PRUNE2: variants seen among roughly 807,000 people sequenced by gnomAD.
PRUNE2 encodes the protein protein prune homolog 2.
PRUNE2 carries 164 observed loss-of-function variants against 252.0 expected under a neutral mutation model. The observed-to-expected ratio is 0.65, with a 90% CI of 0.57 to 0.74. PRUNE2 has a LOEUF of 0.74. PRUNE2 is among the 30% of genes least tolerant of loss of function. The pLI is 0.00. For missense variants in PRUNE2, 3,495 were observed against 3,711.0 expected, an observed-to-expected ratio of 0.94 and a Z score of 1.51; for synonymous variants, 1,292 against 1,350.2, an observed-to-expected ratio of 0.96 and a Z score of 0.94.
chr9:76,828,252 C>T (rs989551215), intron 4 of PRUNE2, among the ~76,000 whole-genome samples: 10 of 152,190 alleles, frequency 6.6e-5, no homozygotes, highest in African/African-American at 2.4e-4. Flanking sequence ...CAGAAAGAGC[C>T]TGTGCAAAGG....
chr9:76,675,768 A>G (rs1395599980), intron 9 of PRUNE2, among the ~76,000 whole-genome samples: 1 of 127,318 alleles, frequency 7.9e-6, no homozygotes, highest in Non-Finnish European at 1.7e-5. Context: ...CTTTGCAGGG[A>G]CATGGATGAA....
At chr9:76,679,081 C>T (rs2043137854) in intron 9 of PRUNE2, among the ~76,000 whole-genome samples, 2 of 152,116 alleles carry the variant, frequency 1.3e-5, no homozygotes, top group South Asian at 2.1e-4. Context: ...CAACCTTATA[C>T]GAGTTACAGA....
intron 6 of PRUNE2, among the ~76,000 whole-genome samples, chr9:76,780,964 T>G (rs1005853730): frequency 6.6e-6 from 1 of 152,196 alleles, no homozygotes; most frequent in African/African-American, 2.4e-5. Context: ...CAAGTTTTTA[T>G]GCTACGTACC....
chr9:76,679,140 CTACT>C (rs1312623587), intron 9 of PRUNE2, among the ~76,000 whole-genome samples: 3 of 152,128 alleles, frequency 2.0e-5, no homozygotes, highest in African/African-American at 7.2e-5. Context: ...AAAAGTAACA[CTACT>C]TACTTAGAAA....
chr9:76,863,571 G>C (rs1037768555), intron 1 of PRUNE2, among the ~76,000 whole-genome samples: 3 of 152,154 alleles, frequency 2.0e-5, no homozygotes, highest in Non-Finnish European at 4.4e-5. Context: ...GGAACAACTT[G>C]TTCAATAAAG....
At chr9:76,821,297 G>C (rs2058026363) in intron 6 of PRUNE2, among the ~76,000 whole-genome samples, 1 of 152,136 alleles carries the variant, frequency 6.6e-6, no homozygotes, top group Non-Finnish European at 1.5e-5. Context: ...TTATATAACT[G>C]TTCCAAAATC....
At chr9:76,804,787 G>A (rs1042791973) in intron 6 of PRUNE2, among the ~76,000 whole-genome samples, 5 of 152,128 alleles carry the variant, frequency 3.3e-5, no homozygotes, top group Admixed American at 1.3e-4. Context: ...TGACCAAAAG[G>A]CCCTCTAGAG....
intron 17 of PRUNE2, among the ~76,000 whole-genome samples, 168 bp downstream of exon 17, chr9:76,624,284 T>C (rs1833724705): frequency 6.6e-6 from 1 of 152,084 alleles, no homozygotes; most frequent in Non-Finnish European, 1.5e-5. Flanking sequence ...GAAAAATAGA[T>C]TGTAGTAAGA....
intron 7 of PRUNE2, 47 bp from the exon 8 acceptor site, chr9:76,711,405 A>G (rs2046721787): frequency 5.4e-6 from 7 of 1,292,262 alleles, no homozygotes; most frequent in Non-Finnish European, 7.5e-6. Flanking sequence ...GCACTGTTGC[A>G]CTTTGCAATT....
At chr9:76,876,896 G>A (rs2061504413) in intron 1 of PRUNE2, among the ~76,000 whole-genome samples, 1 of 152,072 alleles carries the variant, frequency 6.6e-6, no homozygotes. Context: ...ATATAATACA[G>A]GTTGACACAT....
intron 1 of PRUNE2, among the ~76,000 whole-genome samples, chr9:76,865,839 A>G (rs2060807363): frequency 6.7e-6 from 1 of 150,060 alleles, no homozygotes; most frequent in African/African-American, 2.5e-5. Context: ...ACACACACAC[A>G]CACACACACC....
intron 6 of PRUNE2, among the ~76,000 whole-genome samples, chr9:76,775,901 C>G (rs1472437652): frequency 2.1e-5 from 3 of 145,062 alleles, no homozygotes; most frequent in African/African-American, 8.3e-5. Context: ...TTCCATTACT[C>G]CCCTCCTCCT....
intron 6 of PRUNE2, among the ~76,000 whole-genome samples, chr9:76,767,230 T>C (rs1420438040): frequency 6.6e-6 from 1 of 152,144 alleles, no homozygotes; most frequent in Non-Finnish European, 1.5e-5. Context: ...GGTGGGCAGA[T>C]CACTTGAGGT....
chr9:76,863,512 C>G (rs2060666161), intron 1 of PRUNE2, among the ~76,000 whole-genome samples: 2 of 152,208 alleles, frequency 1.3e-5, no homozygotes, highest in Admixed American at 6.5e-5. Context: ...ATATTCAACT[C>G]TGGTAACATC....
chr9:76,753,049 A>T (rs771968266), intron 6 of PRUNE2, among the ~76,000 whole-genome samples: 6 of 152,174 alleles, frequency 3.9e-5, no homozygotes, highest in Non-Finnish European at 8.8e-5. Flanking sequence ...TTTTGTTTGG[A>T]GACAGGGTCT....
intron 4 of PRUNE2, among the ~76,000 whole-genome samples, chr9:76,840,986 A>T (rs912304102): frequency 4.6e-5 from 7 of 152,134 alleles, no homozygotes; most frequent in African/African-American, 1.7e-4. Flanking sequence ...CCTCTCAAAA[A>T]AAAAAAAAAG....
chr9:76,818,944 T>C (rs2057862833), intron 6 of PRUNE2, among the ~76,000 whole-genome samples: 1 of 152,178 alleles, frequency 6.6e-6, no homozygotes, highest in South Asian at 2.1e-4. Flanking sequence ...AATAGGGTTG[T>C]TGTAGACATA....
chr9:76,715,378 G>GC (rs1455162721), intron 6 of PRUNE2, among the ~76,000 whole-genome samples: 7 of 152,184 alleles, frequency 4.6e-5, no homozygotes, highest in African/African-American at 1.7e-4. Flanking sequence ...AGGCAGGCAG[G>GC]CCCCGCCCAT....
At position 76,705,429 on chromosome 9, in the gene PRUNE2, G is replaced by A. The variant is rs1171267812; in HGVS notation, c.6845C>T (p.Pro2282Leu). Residue 2282 changes from proline to leucine, a missense_variant, in exon 8 of 19, where the codon CCT becomes CTT. By Grantham distance (98) the Pro-to-Leu change is moderately conservative (BLOSUM62 -3). Transcript: ENST00000376718. ...AGTGTCTGAGGCTAGCAAAGCATCA[G>A]GAACCAAGGCAGGATTCTCTGTGGA... ...HLSTENPALVPDALLASDTCL... is the reference protein window; with the variant it reads ...HLSTENPALVLDALLASDTCL... The A allele has an allele frequency of 6.2e-6, 10 of 1,613,824 alleles. No homozygotes were observed. Among genetic ancestry groups the A allele is most frequent in the Non-Finnish European group, 7.6e-6 (9 of 1,179,858 alleles).
Sources: gnomAD v4.1 joint callset for allele counts (sites outside exome capture counted in the v4.1 genomes callset) on GRCh38, gnomAD v4.1.1 for gene constraint, MANE v1.5 for transcripts, NCBI Gene and HGNC (gene_info 2026-07-23, HGNC 2026-07-21) for gene names.